Variants in AMMECR1 observed in about 807,000 individuals in gnomAD.
The protein encoded by AMMECR1 is AMMECR nuclear protein 1, also known as nuclear protein AMMECR1.
AMMECR1 carries 3 observed loss-of-function variants against 22.5 expected under a neutral mutation model. The observed-to-expected ratio is 0.13, with a 90% confidence interval of 0.06 to 0.35. The LOEUF (loss-of-function observed/expected upper bound fraction) is 0.35. Among genes scored for constraint, AMMECR1 ranks in the 10% least tolerant of loss-of-function variants. AMMECR1 has a pLI of 1.00. For synonymous variants in AMMECR1, 130 were observed against 116.7 expected (o/e 1.11, Z -0.74); for missense variants, 235 against 278.7 (o/e 0.84, Z 1.12).
chrX:110,389,619 T>C (rs962491680), intron 2 of AMMECR1, among the ~76,000 whole-genome samples: 1 of 111,900 alleles, frequency 8.9e-6, no homozygotes, highest in African/African-American at 3.2e-5. Context: ...TTTTTGTTTT[T>C]TTTTTCTCAT....
intron 2 of AMMECR1, among the ~76,000 whole-genome samples, chrX:110,397,012 G>A (rs1031883228): frequency 1.8e-5 from 2 of 111,736 alleles, no homozygotes; most frequent in African/African-American, 3.3e-5. Flanking sequence ...AGCTGACTCC[G>A]GAGCCCACAT....
At chrX:110,345,392 G>A (rs1047596162) in intron 2 of AMMECR1, among the ~76,000 whole-genome samples, 1 of 110,362 alleles carries the variant, frequency 9.1e-6, no homozygotes, top group Non-Finnish European at 1.9e-5. Context: ...TATACCTAAT[G>A]TAAATGATGA....
intron 2 of AMMECR1, among the ~76,000 whole-genome samples, chrX:110,384,856 T>C (rs997689880): frequency 4.5e-5 from 5 of 110,932 alleles, no homozygotes; most frequent in Non-Finnish European, 9.4e-5. Flanking sequence ...GCAAAACTCC[T>C]GGGGAATCAG....
rs147980537 is a variant in AMMECR1 at position 110,376,286 on chromosome X, G to A, written c.-148+50372C>T. Among the ~76,000 whole-genome samples, 907 of 110,932 alleles carry A rather than the reference G, an allele frequency of 8.2e-3. 10 individuals carry two copies. The highest frequency in any genetic ancestry group is 0.029 in the African/African-American group (870 of 30,480). ...GCAGGATCGCTATGTAATTTGCAGG[G>A]CCCAGTGCAAAATGAAATGGCCTTA... On this transcript the variant is annotated intron_variant, in intron 2 of 7. Transcript: ENST00000372057.
At chrX:110,431,264 C>T (rs2068794083) in intron 1 of AMMECR1, among the ~76,000 whole-genome samples, 1 of 110,051 alleles carries the variant, frequency 9.1e-6, no homozygotes, top group Admixed American at 9.7e-5. Flanking sequence ...TTGCAGTGAT[C>T]ATGGGGACAG....
intron 2 of AMMECR1, among the ~76,000 whole-genome samples, chrX:110,396,054 A>G (rs1200038042): frequency 1.8e-5 from 2 of 111,533 alleles, no homozygotes; most frequent in Non-Finnish European, 3.8e-5. Flanking sequence ...TAATATCTAA[A>G]TGCTTTTTCT....
At chrX:110,225,741 A>C (rs1222951123) in intron 2 of AMMECR1, among the ~76,000 whole-genome samples, 1 of 111,966 alleles carries the variant, frequency 8.9e-6, no homozygotes, top group Non-Finnish European at 1.9e-5. Flanking sequence ...TGGGATGCTC[A>C]ACCTGTACTA....
At chrX:110,415,243 A>G (rs1016883308) in intron 2 of AMMECR1, among the ~76,000 whole-genome samples, 7 of 112,177 alleles carry the variant, frequency 6.2e-5, no homozygotes, top group African/African-American at 2.3e-4. Flanking sequence ...GAGAAGAAAA[A>G]GCTCTCACTT....
chrX:110,278,495 T>C (rs2067837159), intron 1 of AMMECR1, among the ~76,000 whole-genome samples: 1 of 111,823 alleles, frequency 8.9e-6, no homozygotes, highest in South Asian at 3.7e-4. Flanking sequence ...ATAAGGATAA[T>C]TGCTTACTTA....
chrX:110,318,229 G>A (rs903442386), upstream of AMMECR1: 1 of 252,594 alleles, frequency 4.0e-6, no homozygotes, highest in Admixed American at 9.4e-5. Context: ...CCACGCGGCT[G>A]CCCCGCGCGC....
At chrX:110,245,666 G>A (rs990792426) in intron 2 of AMMECR1, among the ~76,000 whole-genome samples, 2 of 110,473 alleles carry the variant, frequency 1.8e-5, no homozygotes, top group African/African-American at 6.6e-5. Context: ...GTGAGGTACT[G>A]TTTTGTTTGT....
intron 1 of AMMECR1, among the ~76,000 whole-genome samples, chrX:110,436,500 T>C (rs2068839442): frequency 8.9e-6 from 1 of 112,103 alleles, no homozygotes; most frequent in Non-Finnish European, 1.9e-5. Flanking sequence ...TTTGACAGGA[T>C]ATAGGCTTGT....
chrX:110,228,029 T>C (rs763038983), intron 2 of AMMECR1, among the ~76,000 whole-genome samples: 1 of 112,180 alleles, frequency 8.9e-6, no homozygotes, highest in African/African-American at 3.2e-5. Context: ...TGCTTTTAAA[T>C]GGCATATTTC....
At chrX:110,288,091 T>C (rs2067889840) in intron 1 of AMMECR1, among the ~76,000 whole-genome samples, 1 of 111,938 alleles carries the variant, frequency 8.9e-6, no homozygotes, top group African/African-American at 3.2e-5. Context: ...TTAGCCAGTT[T>C]GGTAGTTCAG....
At position 110,203,243 on chromosome X, in the gene AMMECR1, T is replaced by TA. The variant is rs1288250419; in HGVS notation, c.700-708_700-707insT. 1.1e-4 allele frequency among the ~76,000 whole-genome samples: 12 copies of TA among 111,919 alleles called. 1 individual carries two copies. Among genetic ancestry groups the TA allele is most frequent in the African/African-American group, 3.9e-4 (12 of 30,850 alleles). On this transcript the variant is annotated intron_variant, in intron 3 of 5. Transcript: ENST00000262844. ...ACTTCACTGTAGTGCATTATTGCAG[T>TA]CTCTTTATATACTAGCCCAGAGACC... is the stretch of plus-strand genomic sequence containing the variant.
At chrX:110,365,870 G>C (rs1434852689) in intron 2 of AMMECR1, among the ~76,000 whole-genome samples, 1 of 112,092 alleles carries the variant, frequency 8.9e-6, no homozygotes, top group Non-Finnish European at 1.9e-5. Context: ...TAGTAAATAT[G>C]CATGCTGCTT....
At chrX:110,405,815 G>A (rs1007757698) in intron 2 of AMMECR1, among the ~76,000 whole-genome samples, 2 of 111,726 alleles carry the variant, frequency 1.8e-5, no homozygotes, top group South Asian at 3.8e-4. Flanking sequence ...GAACTTAAAC[G>A]CAGATCCACC....
chrX:110,288,940 C>T (rs2067894459), intron 1 of AMMECR1, among the ~76,000 whole-genome samples: 1 of 111,749 alleles, frequency 8.9e-6, no homozygotes, highest in African/African-American at 3.2e-5. Context: ...TAAGCCACTC[C>T]ACTCTTCTCT....
At chrX:110,251,774 T>C (rs764272981) in intron 2 of AMMECR1, among the ~76,000 whole-genome samples, 11 of 111,925 alleles carry the variant, frequency 9.8e-5, no homozygotes, top group African/African-American at 3.6e-4. Context: ...GTTACATGTA[T>C]GTGTGTATTT....
Sources: gnomAD v4.1 joint callset for allele counts (sites outside exome capture counted in the v4.1 genomes callset) on GRCh38, gnomAD v4.1.1 for gene constraint, MANE v1.5 for transcripts, NCBI Gene and HGNC (gene_info 2026-07-23, HGNC 2026-07-21) for gene names.